The following EPB41L3 variants were observed in gnomAD, a reference collection of about 807,000 sequenced individuals.
EPB41L3 encodes erythrocyte membrane protein band 4.1 like 3.
In EPB41L3, 57 loss-of-function variants were observed where a neutral mutation model predicts 127.1. The observed-to-expected ratio is 0.45, with a 90% CI of 0.36 to 0.56. The LOEUF (loss-of-function observed/expected upper bound fraction) is 0.56. EPB41L3 is among the 20% of genes least tolerant of loss of function. EPB41L3 has a pLI of 0.00. For missense variants in EPB41L3, 1,273 were observed against 1,372.2 expected (o/e 0.93, Z 1.14); for synonymous variants, 572 against 549.5 (o/e 1.04, Z -0.57).
chr18:5,572,333 T>A (rs1375124246), intron 3 of EPB41L3, among the ~76,000 whole-genome samples: 1 of 152,196 alleles, frequency 6.6e-6, no homozygotes, highest in Admixed American at 6.5e-5. Context: ...AAAATATACA[T>A]TTACCCTACT....
In EPB41L3 at chr18:5,398,395, C is replaced by T. The variant is rs143089316; in HGVS notation, c.2350-252G>A. 7.5e-4 allele frequency: 369 copies of T among 489,374 alleles called. 7 individuals carry two copies. In the East Asian group the frequency reaches 0.012, roughly 15 times the overall value. 30.3% of individuals were successfully genotyped at this position (489,374 alleles called of 1,614,324 possible). Reference sequence around the variant, plus strand: ...TTAAGCAGATATATATATTTTTTCCCCTTCATTGCAAGCCACAGCAGCACT... The same window carrying T: ...TTAAGCAGATATATATATTTTTTCCTCTTCATTGCAAGCCACAGCAGCACT... On this transcript the variant is annotated intron_variant, in intron 16 of 22. Coordinates refer to ENST00000341928, the MANE Select transcript of EPB41L3 (RefSeq NM_012307.5).
upstream of EPB41L3, chr18:5,630,486 C>A (rs1442572364): frequency 1.9e-6 from 1 of 518,826 alleles, no homozygotes; most frequent in Admixed American, 1.9e-5. Context: ...AGAGGTAGGG[C>A]TGCTCACAGG....
intron 1 of EPB41L3, among the ~76,000 whole-genome samples, chr18:5,530,626 G>A (rs1178529256): frequency 1.3e-5 from 2 of 151,874 alleles, no homozygotes; most frequent in Non-Finnish European, 2.9e-5. Flanking sequence ...CTCTGTACAC[G>A]CTGGTCAGTC....
chr18:5,438,414 C>T (rs1020336078), intron 5 of EPB41L3, among the ~76,000 whole-genome samples: 1 of 152,156 alleles, frequency 6.6e-6, no homozygotes, highest in Non-Finnish European at 1.5e-5. Flanking sequence ...ACATGAGTGA[C>T]ACGAATAATC....
chr18:5,455,941 T>C (rs1159457175), intron 3 of EPB41L3, among the ~76,000 whole-genome samples: 1 of 152,016 alleles, frequency 6.6e-6, no homozygotes, highest in Non-Finnish European at 1.5e-5. Flanking sequence ...TAAACCTGAA[T>C]CACGTAAAAT....
intron 13 of EPB41L3, among the ~76,000 whole-genome samples, chr18:5,412,869 A>C (rs1348527620): frequency 2.5e-5 from 2 of 81,334 alleles, no homozygotes; most frequent in African/African-American, 5.5e-4. Flanking sequence ...ACTCAGAGCT[A>C]AAAAAAAAAA....
At chr18:5,591,754 T>C (rs2094488512) in intron 3 of EPB41L3, among the ~76,000 whole-genome samples, 1 of 152,198 alleles carries the variant, frequency 6.6e-6, no homozygotes, top group Non-Finnish European at 1.5e-5. Flanking sequence ...CAGTAAAGGA[T>C]AAACAAGAAA....
At chr18:5,433,416 C>T (rs2079271375) in intron 8 of EPB41L3, 53 bp downstream of exon 8, 11 of 1,272,162 alleles carry the variant, frequency 8.6e-6, no homozygotes, top group Admixed American at 1.9e-5. Context: ...GTAATAACAA[C>T]ATCAAGTTAC....
intron 3 of EPB41L3, among the ~76,000 whole-genome samples, chr18:5,603,876 T>A (rs1719979): frequency 0.56 from 85,698 of 151,750 alleles, 24,884 homozygotes; most frequent in Middle Eastern, 0.68. Flanking sequence ...AAAATTAAAA[T>A]TTAAAAAAAA....
At chr18:5,524,714 CAA>C (rs770554616) in intron 1 of EPB41L3, among the ~76,000 whole-genome samples, 56 of 152,336 alleles carry the variant, frequency 3.7e-4, no homozygotes, top group Admixed American at 5.9e-4. Context: ...CTTAACCACT[CAA>C]AAAGTTAGGG....
chr18:5,546,923 C>T (rs565059938), upstream of EPB41L3, among the ~76,000 whole-genome samples: 1 of 152,310 alleles, frequency 6.6e-6, no homozygotes, highest in East Asian at 1.9e-4. Context: ...AATGAATGGA[C>T]ATTGAATAAT....
At chr18:5,559,310 C>A (rs1033076722) in intron 3 of EPB41L3, among the ~76,000 whole-genome samples, 1 of 152,128 alleles carries the variant, frequency 6.6e-6, no homozygotes, top group Admixed American at 6.5e-5. Flanking sequence ...GATTTCTTAA[C>A]TTGGAACACA....
At chr18:5,514,354 A>G (rs566178273) in intron 1 of EPB41L3, among the ~76,000 whole-genome samples, 1 of 152,344 alleles carries the variant, frequency 6.6e-6, no homozygotes, top group East Asian at 1.9e-4. Flanking sequence ...GTTCTCCAAC[A>G]TTTTATATGT....
chr18:5,410,527 G>A (rs567548873), intron 14 of EPB41L3, 39 bp downstream of exon 14: 52 of 1,533,114 alleles, frequency 3.4e-5, no homozygotes, highest in Middle Eastern at 3.4e-4. Flanking sequence ...AGGCATTTTC[G>A]GTATGCCACT....
chr18:5,414,863 G>A (rs188097889), intron 13 of EPB41L3, among the ~76,000 whole-genome samples: 54 of 152,304 alleles, frequency 3.5e-4, no homozygotes, highest in African/African-American at 1.2e-3. Context: ...ATGTCAGCTC[G>A]CCCAATTGCT....
upstream of EPB41L3, chr18:5,630,230 C>T (rs949527254): frequency 8.1e-6 from 3 of 372,384 alleles, no homozygotes; most frequent in South Asian, 6.1e-5. Flanking sequence ...CCAGGCAGCC[C>T]CCGGTCGGGC....
intron 2 of EPB41L3, among the ~76,000 whole-genome samples, chr18:5,485,074 T>C (rs2089496751): frequency 6.6e-6 from 1 of 151,988 alleles, no homozygotes; most frequent in Admixed American, 6.6e-5. Context: ...TGAACATTAA[T>C]GCAAAAATCC....
At chr18:5,608,697 G>A (rs1401063265) in intron 3 of EPB41L3, among the ~76,000 whole-genome samples, 1 of 152,122 alleles carries the variant, frequency 6.6e-6, no homozygotes, top group East Asian at 1.9e-4. Context: ...TTATTTTTCA[G>A]GGTAAATATC....
chr18:5,533,585 A>C (rs1319527942), intron 1 of EPB41L3, among the ~76,000 whole-genome samples: 3 of 152,204 alleles, frequency 2.0e-5, no homozygotes, highest in African/African-American at 7.2e-5. Context: ...CACATAGCTC[A>C]GTATGATTTT....
Sources: gnomAD v4.1 joint callset for allele counts (sites outside exome capture counted in the v4.1 genomes callset) on GRCh38, gnomAD v4.1.1 for gene constraint, MANE v1.5 for transcripts, NCBI Gene and HGNC (gene_info 2026-07-23, HGNC 2026-07-21) for gene names.